NUP160: variants seen among roughly 807,000 people sequenced by gnomAD.
NUP160 encodes the protein nuclear pore complex protein Nup160.
In NUP160, 94 loss-of-function variants were observed where a neutral mutation model predicts 196.9. The ratio of observed to expected loss-of-function variants is 0.48; its 90% CI spans 0.40 to 0.57. The LOEUF (loss-of-function observed/expected upper bound fraction) is 0.57, where lower values mean the gene tolerates loss of function less well. NUP160 is among the 20% of genes least tolerant of loss of function. The pLI, the probability that NUP160 is intolerant of heterozygous loss-of-function variation, is 0.00. For missense variants in NUP160, 1,638 were observed against 1,748.3 expected (o/e 0.94, Z 1.13); for synonymous variants, 605 against 619.7 (o/e 0.98, Z 0.35).
chr11:47,832,940 C>G (rs1852105000), intron 7 of NUP160, among the ~76,000 whole-genome samples: 1 of 152,020 alleles, frequency 6.6e-6, no homozygotes, highest in South Asian at 2.1e-4. Context: ...GAATAAGTAA[C>G]TTTATAGAGA....
chr11:47,813,499 G>A, intron 13 of NUP160, 84 bp from the exon 14 acceptor site: 2 of 847,508 alleles, frequency 2.4e-6, no homozygotes, highest in Admixed American at 2.0e-5. Context: ...CTTATCATGA[G>A]GCAAACCCAA....
chr11:47,808,311 A>C, intron 18 of NUP160, 85 bp downstream of exon 18: 1 of 1,331,314 alleles, frequency 7.5e-7, no homozygotes, highest in Non-Finnish European at 1.0e-6. Flanking sequence ...AAAACAAAAC[A>C]CTAAAACTTT....
exon 3 of NUP160, chr11:47,840,417 G>C: frequency 6.2e-7 from 1 of 1,614,106 alleles, no homozygotes. Flanking sequence ...AAAGTAACCT[G>C]TGCACTGTTT....
At chr11:47,796,011 G>A (rs188113527) in intron 27 of NUP160, among the ~76,000 whole-genome samples, 5 of 151,926 alleles carry the variant, frequency 3.3e-5, no homozygotes, top group Admixed American at 6.6e-5. Context: ...AAAATTAACC[G>A]GGCGTGGTGG....
intron 7 of NUP160, among the ~76,000 whole-genome samples, chr11:47,831,988 G>A (rs1400324511): frequency 7.5e-6 from 1 of 132,614 alleles, no homozygotes; most frequent in Admixed American, 8.3e-5. Context: ...TGCAACCTCC[G>A]CCTCCCAGGT....
At chr11:47,784,688 T>C (rs1443544533) in intron 33 of NUP160, 1 of 275,036 alleles carries the variant, frequency 3.6e-6, no homozygotes, top group Non-Finnish European at 6.7e-6. Flanking sequence ...TATCACCCCA[T>C]CTTTTTCTTT....
intron 7 of NUP160, among the ~76,000 whole-genome samples, chr11:47,829,728 TAA>T (rs1176380510): frequency 6.6e-6 from 1 of 152,216 alleles, no homozygotes; most frequent in Non-Finnish European, 1.5e-5. Context: ...CAAGATGGAT[TAA>T]AGACTTAAAC....
intron 5 of NUP160, 41 bp downstream of exon 5, chr11:47,837,504 A>T: frequency 6.8e-7 from 1 of 1,467,498 alleles, no homozygotes; most frequent in Non-Finnish European, 9.5e-7. Context: ...AAAAAGATTA[A>T]ATTCTTGGGC....
At chr11:47,817,976 A>C (rs1159041835) in intron 11 of NUP160, 80 bp downstream of exon 11, 3 of 759,056 alleles carry the variant, frequency 4.0e-6, no homozygotes, top group Non-Finnish European at 6.6e-6. Context: ...TGTTTAATAT[A>C]TGCAAAAACT....
intron 13 of NUP160, among the ~76,000 whole-genome samples, chr11:47,814,561 C>T (rs2097683225): frequency 6.6e-6 from 1 of 150,994 alleles, no homozygotes; most frequent in East Asian, 1.9e-4. Context: ...AAGATTGGAT[C>T]CTGGATCAGG....
chr11:47,839,487 C>T (rs1418128596), intron 4 of NUP160: 1 of 251,600 alleles, frequency 4.0e-6, no homozygotes, highest in African/African-American at 2.3e-5. Flanking sequence ...ATAATCCAGG[C>T]AAGACACAGT....
At chr11:47,786,188 G>C (rs942067959) in intron 32 of NUP160, among the ~76,000 whole-genome samples, 1 of 152,166 alleles carries the variant, frequency 6.6e-6, no homozygotes, top group Non-Finnish European at 1.5e-5. Context: ...ATTTTTGCCT[G>C]TAAGAGTACC....
intron 1 of NUP160, 121 bp downstream of exon 1, chr11:47,848,098 G>T (rs1852436591): frequency 7.5e-7 from 1 of 1,326,570 alleles, no homozygotes; most frequent in South Asian, 1.2e-5. Context: ...AGGAATCTCT[G>T]ATCCCGGGGC....
chr11:47,811,414 CAGG>C (rs2135374093), intron 17 of NUP160, among the ~76,000 whole-genome samples: 1 of 149,882 alleles, frequency 6.7e-6, no homozygotes, highest in South Asian at 2.1e-4. Context: ...GAGGCTGAGG[CAGG>C]AGAATTGCTT....
At chr11:47,826,053 T>TCCC in intron 7 of NUP160, among the ~76,000 whole-genome samples, 1 of 152,324 alleles carries the variant, frequency 6.6e-6, no homozygotes, top group Non-Finnish European at 1.5e-5. Context: ...CTTATATCCA[T>TCCC]TGTAGCCTGA....
intron 20 of NUP160, 101 bp from the exon 21 acceptor site, chr11:47,804,719 C>G: frequency 1.4e-6 from 1 of 737,108 alleles, no homozygotes; most frequent in Non-Finnish European, 2.2e-6. Flanking sequence ...GCTTAATTTA[C>G]ATAAACAAGG....
chr11:47,780,331 G>A lies in NUP160; in HGVS notation c.4221+12C>T, dbSNP rs1284291298. ...GGCTTACACAAGACGTCTCATGAAA[G>A]GGCTGACTTACTGCGATGTTGTGAC... On this transcript the variant is annotated intron_variant, in intron 35 of 35. Coordinates refer to ENST00000378460, the Ensembl canonical transcript of NUP160. 2 of 1,583,564 alleles carry A rather than the reference G, an allele frequency of 1.3e-6. No individual in the cohort carries two copies. The highest frequency in any genetic ancestry group is 1.7e-6 in the Non-Finnish European group (2 of 1,152,476).
chr11:47,839,426 G>A (rs768855275), intron 4 of NUP160: 51 of 172,742 alleles, frequency 3.0e-4, no homozygotes, highest in Non-Finnish European at 5.6e-4. Context: ...CCTGAGAAGT[G>A]TCTGAAGAGG....
intron 22 of NUP160, among the ~76,000 whole-genome samples, chr11:47,802,328 G>A (rs964531952): frequency 6.6e-6 from 1 of 152,150 alleles, no homozygotes; most frequent in African/African-American, 2.4e-5. Context: ...CTACTCAGGA[G>A]GCTGAGGCAG....
Sources: allele counts gnomAD v4.1 joint callset (sites outside exome capture counted in the v4.1 genomes callset), GRCh38; gene constraint gnomAD v4.1.1; transcripts MANE v1.5; gene names NCBI Gene and HGNC (gene_info 2026-07-23, HGNC 2026-07-21).